TIMM50: variants seen among roughly 807,000 people sequenced by gnomAD.
TIMM50 encodes mitochondrial import inner membrane translocase subunit TIM50.
Under a neutral mutation model 49.6 loss-of-function variants are expected in TIMM50, and 34 were observed. The ratio of observed to expected loss-of-function variants is 0.69; its 90% confidence interval spans 0.52 to 0.91. The LOEUF (loss-of-function observed/expected upper bound fraction) is 0.91. Among genes scored for constraint, TIMM50 ranks in the 40% least tolerant of loss-of-function variants. The pLI is 0.00. For missense variants in TIMM50, 458 were observed against 477.8 expected (o/e 0.96, Z 0.39); for synonymous variants, 199 against 198.4 (o/e 1.00, Z -0.03).
chr19:39,486,466 A>G lies in TIMM50; in HGVS notation c.667A>G (p.Thr223Ala). The change falls in exon 8 of 11, where the codon ACA becomes GCA. Residue 223 changes from threonine (T) to alanine (A), a missense_variant. Coordinates refer to ENST00000607714, the MANE Select transcript of TIMM50 (RefSeq NM_001001563.5). ...CTCCTACCGCCTATTCCGGGACGCC[A>G]CAAGATACATGGATGGACACCATGT... ...FISYRLFRDA[T>A]RYMDGHHVKD... 1 of 1,614,172 alleles carries G rather than the reference A, an allele frequency of 6.2e-7. No individual in the cohort carries two copies. The highest frequency in any genetic ancestry group is 8.5e-7 in the Non-Finnish European group (1 of 1,180,022).
intron 1 of TIMM50, 148 bp downstream of exon 1, chr19:39,481,109 G>A: frequency 9.2e-7 from 1 of 1,085,138 alleles, no homozygotes; most frequent in Non-Finnish European, 1.3e-6. Context: ...CCAACCTCCT[G>A]GGTGGTTGCT....
At position 39,489,985 on chromosome 19, in the gene TIMM50, T is replaced by A; in HGVS notation, c.*165T>A. ...CAGGGTGAGGTCCGGGACTCTTGGGTCATCGTCCCACAGTGGCTGATCGGC... is the reference window on the plus strand; with the variant it reads ...CAGGGTGAGGTCCGGGACTCTTGGGACATCGTCCCACAGTGGCTGATCGGC... On this transcript the variant is annotated 3_prime_UTR_variant, in exon 11 of 11. Coordinates refer to ENST00000607714, the MANE Select transcript of TIMM50 (RefSeq NM_001001563.5). 1 of 670,542 alleles carries A rather than the reference T, an allele frequency of 1.5e-6. No homozygotes were observed. Among genetic ancestry groups the A allele is most frequent in the Non-Finnish European group, 2.5e-6 (1 of 392,340 alleles). The allele number at this position is 670,542 out of a possible 1,614,324, so 41.5% of individuals were successfully genotyped here.
chr19:39,486,116 G>T, intron 6 of TIMM50, 71 bp from the exon 7 acceptor site: 1 of 1,467,020 alleles, frequency 6.8e-7, no homozygotes. Flanking sequence ...CCCCAGGCTG[G>T]ATCTTTGTCC....
chr19:39,482,427 G>A lies in TIMM50; in HGVS notation c.259+394G>A, dbSNP rs540853906. On this transcript the variant is annotated intron_variant, in intron 2 of 10. Transcript: ENST00000607714. ...AATCCCAGCACTTTGGGAGGCCGAG[G>A]CGGGCGGATCACGAGGTCAGGAGAC... 2.0e-5 allele frequency among the ~76,000 whole-genome samples: 3 copies of A among 152,192 alleles called. No homozygotes were observed. The South Asian group carries it at 6.2e-4, about 32-fold the overall frequency.
In TIMM50 at chr19:39,482,829, C is replaced by T. The variant is rs1005864252; in HGVS notation, c.260-56C>T. On this transcript the variant is annotated intron_variant, in intron 2 of 10. Coordinates refer to ENST00000607714, the MANE Select transcript of TIMM50 (RefSeq NM_001001563.5). Reference sequence around the variant, plus strand: ...CAGGCCCCTTATCCCACTCCTCCCTCGGGACCCAGGGGACTGGGCCCTAAT... The same window carrying T: ...CAGGCCCCTTATCCCACTCCTCCCTTGGGACCCAGGGGACTGGGCCCTAAT... 41 of 1,610,014 alleles carry T rather than the reference C, an allele frequency of 2.5e-5. No homozygotes were observed. The African/African-American group carries it at 3.3e-4, about 13-fold the overall frequency.
Position 39,492,917 on chromosome 19 carries a change from A to C in TIMM50, c.*3097A>C, listed in dbSNP as rs1278522733. 3 of 137,724 alleles carry C rather than the reference A, an allele frequency of 2.2e-5. No individual in the cohort carries two copies. The South Asian group carries it at 7.3e-4, about 34-fold the overall frequency. 8.5% of individuals were successfully genotyped at this position (137,724 alleles called of 1,614,324 possible). The stretch of plus-strand genomic sequence containing the variant: ...ACAAAAAAAAAACCAGTTTGACTTT[A>C]TCTCCCTCGCCCTGCCTCCATCCCC... On this transcript the variant is annotated 3_prime_UTR_variant, in exon 11 of 11. Transcript: ENST00000607714.
chr19:39,488,702 C>A (rs935030683), intron 10 of TIMM50, 57 bp downstream of exon 10: 111 of 1,417,716 alleles, frequency 7.8e-5, no homozygotes, highest in Non-Finnish European at 1.0e-4. Flanking sequence ...GAAGGAGGAG[C>A]CTGGGGCAGT....
rs927243747 is a variant in TIMM50, at chr19:39,490,440, C to G, written c.*620C>G. 4 of 150,710 alleles carry G rather than the reference C, an allele frequency of 2.7e-5. No individual in the cohort carries two copies. Among genetic ancestry groups the G allele is most frequent in the African/African-American group, 9.8e-5 (4 of 40,780 alleles). 9.3% of individuals were successfully genotyped at this position (150,710 alleles called of 1,614,324 possible). Reference sequence around the variant, plus strand: ...CCAGGCTGGAGTGCATTGATGTGATCTTAGCTTACAACAGCCTTGACCTCC... The same window carrying G: ...CCAGGCTGGAGTGCATTGATGTGATGTTAGCTTACAACAGCCTTGACCTCC... On this transcript the variant is annotated 3_prime_UTR_variant, in exon 11 of 11. Coordinates refer to ENST00000607714, the MANE Select transcript of TIMM50 (RefSeq NM_001001563.5).
At position 39,489,856 on chromosome 19, in the gene TIMM50, G is replaced by T; in HGVS notation, c.*36G>T. The T allele has an allele frequency of 6.4e-7, 1 of 1,567,806 alleles. No homozygotes were observed. The highest frequency in any genetic ancestry group is 8.7e-7 in the Non-Finnish European group (1 of 1,152,510). The stretch of plus-strand genomic sequence containing the variant: ...TCCTCAAACTCAGTGCCTGGGTCCA[G>T]GGCCCCAGTGCTTCCAGACCAAGAC... On this transcript the variant is annotated 3_prime_UTR_variant, in exon 11 of 11. Coordinates refer to ENST00000607714, the MANE Select transcript of TIMM50 (RefSeq NM_001001563.5).
chr19:39,482,077 C>T (rs1238435192), intron 2 of TIMM50, 44 bp downstream of exon 2: 2 of 1,596,952 alleles, frequency 1.3e-6, no homozygotes, highest in Non-Finnish European at 1.7e-6. Flanking sequence ...CCTTGGCCTC[C>T]CTGGTCCACT....
chr19:39,485,442 A>G (rs1157324968), intron 4 of TIMM50, 102 bp from the exon 5 acceptor site: 31 of 1,414,634 alleles, frequency 2.2e-5, no homozygotes, highest in African/African-American at 2.8e-5. Flanking sequence ...CCAGGCAGAT[A>G]TGCAGACCTG....
At chr19:39,482,960 G>T in intron 3 of TIMM50, 44 bp downstream of exon 3, 1 of 1,614,108 alleles carries the variant, frequency 6.2e-7, no homozygotes, top group Middle Eastern at 1.6e-4. Context: ...GTCCTAGTCT[G>T]TGGGTGAGAG....
chr19:39,485,671 C>T lies in TIMM50; in HGVS notation c.373-17C>T, dbSNP rs2079499963. The T allele has an allele frequency of 8.1e-6, 13 of 1,614,048 alleles. No homozygotes were observed. In the Admixed American group the frequency reaches 2.2e-4, roughly 27 times the overall value. On this transcript the variant is annotated splice_polypyrimidine_tract_variant and intron_variant, in intron 5 of 10. Transcript: ENST00000607714. The stretch of plus-strand genomic sequence containing the variant: ...GCCTCCTTGTCTGAGCGCCCCCATC[C>T]TGTCCCTCTCCCACAGATGATCATC...
In TIMM50 at chr19:39,491,692, C is replaced by CAT. The variant is rs2079546154; in HGVS notation, c.*1874_*1875dup. 1 of 151,516 alleles carries CAT rather than the reference C, an allele frequency of 6.6e-6. No individual in the cohort carries two copies. Among genetic ancestry groups the CAT allele is most frequent in the South Asian group, 2.1e-4 (1 of 4,806 alleles). 9.4% of individuals were successfully genotyped at this position (151,516 alleles called of 1,614,324 possible). Reference sequence around the variant, plus strand: ...AAGTAACGAGCCCAGCGAGGTTATGCATACCTGTAGTCCCAGCTACGTGAG... The same window carrying CAT: ...AAGTAACGAGCCCAGCGAGGTTATGCATATACCTGTAGTCCCAGCTACGTGAG... On this transcript the variant is annotated 3_prime_UTR_variant, in exon 11 of 11. Transcript: ENST00000607714.
At chr19:39,489,610 G>T in intron 10 of TIMM50, 109 bp from the exon 11 acceptor site, 1 of 1,092,502 alleles carries the variant, frequency 9.2e-7, no homozygotes, top group Non-Finnish European at 1.3e-6. Flanking sequence ...CTTGGCAGAA[G>T]TCAGAAGGAA....
At chr19:39,482,085 A>G (rs777349453) in intron 2 of TIMM50, 52 bp downstream of exon 2, 3 of 1,589,408 alleles carry the variant, frequency 1.9e-6, no homozygotes, top group South Asian at 1.1e-5. Context: ...TCCCTGGTCC[A>G]CTGTGGAACC....
chr19:39,488,979 G>C (rs1354305672), intron 10 of TIMM50, among the ~76,000 whole-genome samples: 1 of 152,058 alleles, frequency 6.6e-6, no homozygotes, highest in Non-Finnish European at 1.5e-5. Flanking sequence ...GGCCTGGAAA[G>C]AGGCTCCCTG....
Position 39,483,275 on chromosome 19 carries a change from G to A in TIMM50, c.313+119G>A, listed in dbSNP as rs980469962. On this transcript the variant is annotated intron_variant, in intron 4 of 10. Transcript: ENST00000607714. ...TCCTCCTTCCACTGGGGAGGTGGGG[G>A]AGCCAGCAGCTGGATGGCTTTGTGG... 5.1e-6 allele frequency: 7 copies of A among 1,365,990 alleles called. No homozygotes were observed. In the African/African-American group the frequency reaches 7.2e-5, roughly 14 times the overall value. The allele number at this position is 1,365,990 out of a possible 1,614,324, so 84.6% of individuals were successfully genotyped here. A position where few individuals can be genotyped will look rare whatever the true frequency, so the allele number is the denominator to read the frequency against.
Position 39,490,146 on chromosome 19 carries a change from C to A in TIMM50, c.*326C>A. ...ATACATCTCCCTCTGACCACAGACT[C>A]CTCATCTGTGGAGAAGGGAAGAGAG... On this transcript the variant is annotated 3_prime_UTR_variant, in exon 11 of 11. Coordinates refer to ENST00000607714, the MANE Select transcript of TIMM50 (RefSeq NM_001001563.5). 1 of 305,774 alleles carries A rather than the reference C, an allele frequency of 3.3e-6. No individual in the cohort carries two copies. Among genetic ancestry groups the A allele is most frequent in the Non-Finnish European group, 6.2e-6 (1 of 160,080 alleles). 18.9% of individuals were successfully genotyped at this position (305,774 alleles called of 1,614,324 possible).
Sources: allele counts gnomAD v4.1 joint callset (sites outside exome capture counted in the v4.1 genomes callset), GRCh38; gene constraint gnomAD v4.1.1; transcripts MANE v1.5; gene names NCBI Gene and HGNC (gene_info 2026-07-23, HGNC 2026-07-21).